Variants in ETFA observed in about 807,000 individuals in gnomAD.
ETFA encodes electron transfer flavoprotein subunit alpha, mitochondrial.
Under a neutral mutation model 46.2 loss-of-function variants are expected in ETFA, and 22 were observed. The ratio of observed to expected loss-of-function variants is 0.48; its 90% CI spans 0.34 to 0.68. The LOEUF (loss-of-function observed/expected upper bound fraction) is 0.68. Among genes scored for constraint, ETFA ranks in the 30% least tolerant of loss-of-function variants. The probability of loss-of-function intolerance (pLI) is 0.01; values close to 1 mark genes in which losing one functional copy is unlikely to be tolerated. For missense variants in ETFA, 345 were observed against 401.1 expected, an observed-to-expected ratio of 0.86 and a Z score of 1.19; for synonymous variants, 131 against 139.9, an observed-to-expected ratio of 0.94 and a Z score of 0.45.
chr15:76,291,667 G>A (rs915168904), intron 4 of ETFA, among the ~76,000 whole-genome samples: 2 of 151,664 alleles, frequency 1.3e-5, no homozygotes, highest in East Asian at 3.9e-4. Flanking sequence ...GGAGAATGGC[G>A]TGAACCCCGG....
intron 8 of ETFA, among the ~76,000 whole-genome samples, chr15:76,278,665 C>A (rs1175141615): frequency 6.6e-6 from 1 of 152,186 alleles, no homozygotes; most frequent in Non-Finnish European, 1.5e-5. Flanking sequence ...ACTATAATTT[C>A]ATATATTTTC....
At chr15:76,247,190 A>G (rs571712621) in intron 9 of ETFA, among the ~76,000 whole-genome samples, 76 of 138,490 alleles carry the variant, frequency 5.5e-4, no homozygotes, top group Admixed American at 1.5e-3. Context: ...AGGAGTCACT[A>G]TTCAAATTTA....
chr15:76,289,651 T>A (rs2039739263), intron 4 of ETFA, among the ~76,000 whole-genome samples: 1 of 152,124 alleles, frequency 6.6e-6, no homozygotes, highest in Non-Finnish European at 1.5e-5. Flanking sequence ...AATAATTGAG[T>A]TCTTTTTGTG....
At chr15:76,303,355 T>C (rs746924542) in intron 1 of ETFA, among the ~76,000 whole-genome samples, 40 of 152,110 alleles carry the variant, frequency 2.6e-4, no homozygotes, top group Non-Finnish European at 5.7e-4. Context: ...CCTCGAACTA[T>C]AAAAACCCAA....
intron 9 of ETFA, among the ~76,000 whole-genome samples, chr15:76,271,596 A>G (rs756818030): frequency 3.9e-5 from 6 of 152,206 alleles, no homozygotes; most frequent in Non-Finnish European, 5.9e-5. Context: ...TATAAAGGAC[A>G]TTTTTGGAAT....
intron 2 of ETFA, among the ~76,000 whole-genome samples, chr15:76,293,734 A>G (rs911357008): frequency 1.3e-5 from 2 of 152,250 alleles, no homozygotes; most frequent in South Asian, 4.1e-4. Flanking sequence ...CCACCCTCAT[A>G]TGAACTGTTA....
At chr15:76,286,094 G>C (rs987305308) in intron 6 of ETFA, among the ~76,000 whole-genome samples, 4 of 152,114 alleles carry the variant, frequency 2.6e-5, no homozygotes, top group Non-Finnish European at 4.4e-5. Context: ...AATATAATAG[G>C]AAACAGTGAC....
chr15:76,217,111 A>T lies in ETFA; in HGVS notation c.964-514T>A, dbSNP rs532884025. Among the ~76,000 whole-genome samples the T allele has an allele frequency of 3.0e-4, 45 of 152,180 alleles. 1 individual carries two copies. In the South Asian group the frequency reaches 9.4e-3, roughly 32 times the overall value. On this transcript the variant is annotated intron_variant, in intron 11 of 11. Coordinates refer to ENST00000557943, the MANE Select transcript of ETFA (RefSeq NM_000126.4). Reference sequence around the variant, plus strand: ...AGATTACAGGCGTGAACCACTGCACACACTGCTACCTTTTGGCTTTGTGAC... The same window carrying T: ...AGATTACAGGCGTGAACCACTGCACTCACTGCTACCTTTTGGCTTTGTGAC...
chr15:76,296,550 A>T (rs955497979), intron 1 of ETFA, among the ~76,000 whole-genome samples: 1 of 152,234 alleles, frequency 6.6e-6, no homozygotes, highest in African/African-American at 2.4e-5. Flanking sequence ...GTCAAAATGC[A>T]TTCAATACCA....
Position 76,283,751 on chromosome 15 carries a change from CT to C in ETFA, c.733+5del. ...AATATCTTTCTACTAAGGAAAATAA[CT>C]TTACCTGCAGCATGTAGTTGATCTG... On this transcript the variant is annotated splice_donor_5th_base_variant and intron_variant, in intron 8 of 11. Coordinates refer to ENST00000557943, the MANE Select transcript of ETFA (RefSeq NM_000126.4). 5.1e-6 allele frequency: 8 copies of C among 1,572,446 alleles called. No homozygotes were observed. The highest frequency in any genetic ancestry group is 7.0e-6 in the Non-Finnish European group (8 of 1,142,510).
chr15:76,310,811 GAACCAGCTTCCAT>G (rs1224576691), intron 1 of ETFA, among the ~76,000 whole-genome samples: 1 of 152,176 alleles, frequency 6.6e-6, no homozygotes, highest in Non-Finnish European at 1.5e-5. Context: ...CCAGAAAGCA[GAACCAGCTTCCAT>G]AACTGGCCAC....
intron 9 of ETFA, among the ~76,000 whole-genome samples, chr15:76,272,990 ATCT>A (rs1194467160): frequency 6.6e-6 from 1 of 151,968 alleles, no homozygotes; most frequent in Admixed American, 6.6e-5. Context: ...TAAGCTTTAA[ATCT>A]TCTTTTCTGA....
chr15:76,233,561 C>T (rs942486477), intron 9 of ETFA, among the ~76,000 whole-genome samples: 3 of 152,118 alleles, frequency 2.0e-5, no homozygotes, highest in Non-Finnish European at 2.9e-5. Flanking sequence ...AACTCCTGAC[C>T]TTGTGATCCA....
chr15:76,305,504 A>G (rs2039931164), intron 1 of ETFA, among the ~76,000 whole-genome samples: 1 of 152,236 alleles, frequency 6.6e-6, no homozygotes, highest in Admixed American at 6.5e-5. Flanking sequence ...GCTTTTAGAG[A>G]AGTTCTCTAT....
At chr15:76,288,739 A>G (rs1251088881) in intron 4 of ETFA, among the ~76,000 whole-genome samples, 1 of 151,820 alleles carries the variant, frequency 6.6e-6, no homozygotes, top group Non-Finnish European at 1.5e-5. Context: ...AAGGAAAAGA[A>G]TAACACTAAC....
intron 1 of ETFA, among the ~76,000 whole-genome samples, chr15:76,300,708 A>T (rs770785341): frequency 6.6e-6 from 1 of 151,628 alleles, no homozygotes; most frequent in Non-Finnish European, 1.5e-5. Flanking sequence ...GGTAAACTAG[A>T]CTCCTTAGGT....
chr15:76,297,305 A>G (rs1223920089), intron 1 of ETFA, among the ~76,000 whole-genome samples: 1 of 152,040 alleles, frequency 6.6e-6, no homozygotes, highest in Admixed American at 6.6e-5. Flanking sequence ...ATTATATGGT[A>G]CCCTTTCTTT....
chr15:76,259,139 C>T, intron 9 of ETFA: 1 of 1,499,686 alleles, frequency 6.7e-7, no homozygotes, highest in Non-Finnish European at 9.3e-7. Context: ...GAGTGCCACC[C>T]ACTGTCCCCA....
At chr15:76,222,483 T>C (rs1488418676) in intron 11 of ETFA, among the ~76,000 whole-genome samples, 2 of 152,192 alleles carry the variant, frequency 1.3e-5, no homozygotes, top group African/African-American at 4.8e-5. Flanking sequence ...TCACCTACAA[T>C]AAGCTCATTC....
Sources: gnomAD v4.1 joint callset for allele counts (sites outside exome capture counted in the v4.1 genomes callset) on GRCh38, gnomAD v4.1.1 for gene constraint, MANE v1.5 for transcripts, NCBI Gene and HGNC (gene_info 2026-07-23, HGNC 2026-07-21) for gene names.